CCND3: variants seen among roughly 807,000 people sequenced by gnomAD.
CCND3 encodes G1/S-specific cyclin-D3.
CCND3 carries 9 observed loss-of-function variants against 28.7 expected under a neutral mutation model. That is an observed-to-expected ratio of 0.31 (90% CI 0.19 to 0.55). The LOEUF (loss-of-function observed/expected upper bound fraction) is 0.55. CCND3 is among the 20% of genes least tolerant of loss of function. CCND3 has a pLI of 0.93. For synonymous variants in CCND3, 164 were observed against 163.9 expected, an observed-to-expected ratio of 1.00 and a Z score of 0.00; for missense variants, 315 against 385.8, an observed-to-expected ratio of 0.82 and a Z score of 1.54.
chr6:42,041,791 G>A (rs898328452), intron 1 of CCND3, among the ~76,000 whole-genome samples: 3 of 152,186 alleles, frequency 2.0e-5, no homozygotes, highest in Admixed American at 1.3e-4. Context: ...ATAAACAGAC[G>A]TCTTCCCAGG....
intron 1 of CCND3, among the ~76,000 whole-genome samples, chr6:41,988,231 G>A (rs1351594943): frequency 1.3e-5 from 2 of 151,968 alleles, no homozygotes; most frequent in South Asian, 2.1e-4. Context: ...GCTTGAACCC[G>A]GGAGGCAGAG....
intron 1 of CCND3, among the ~76,000 whole-genome samples, chr6:41,955,370 A>G (rs1175349515): frequency 6.6e-6 from 1 of 152,190 alleles, no homozygotes; most frequent in East Asian, 1.9e-4. Context: ...TTGACTGTAT[A>G]CCAAAGTGCA....
At chr6:41,996,123 A>ATATATT (rs1554164470) in intron 1 of CCND3, among the ~76,000 whole-genome samples, 13 of 96,960 alleles carry the variant, frequency 1.3e-4, no homozygotes, top group Admixed American at 7.2e-4. Flanking sequence ...ATATATATAT[A>ATATATT]ATATATATAT....
chr6:42,037,388 C>A (rs996938233), intron 1 of CCND3, among the ~76,000 whole-genome samples: 1 of 151,962 alleles, frequency 6.6e-6, no homozygotes, highest in African/African-American at 2.4e-5. Flanking sequence ...CAGGCATGCA[C>A]GACCATGCCC....
At chr6:41,952,972 A>T (rs923367646) in intron 1 of CCND3, among the ~76,000 whole-genome samples, 1 of 152,174 alleles carries the variant, frequency 6.6e-6, no homozygotes, top group Admixed American at 6.5e-5. Flanking sequence ...TTGATGGAAG[A>T]CAAATAAAAC....
intron 1 of CCND3, among the ~76,000 whole-genome samples, chr6:41,990,452 A>G (rs1167887971): frequency 6.6e-6 from 1 of 152,090 alleles, no homozygotes; most frequent in African/African-American, 2.4e-5. Flanking sequence ...AAATCCTAAA[A>G]TTCATAAGAA....
intron 1 of CCND3, among the ~76,000 whole-genome samples, chr6:42,042,485 C>T (rs1764402156): frequency 1.3e-5 from 2 of 152,100 alleles, no homozygotes; most frequent in South Asian, 2.1e-4. Flanking sequence ...CTCAGCCTCC[C>T]GAGTAGCCGG....
chr6:42,014,213 A>C (rs1763425305), intron 1 of CCND3, among the ~76,000 whole-genome samples: 1 of 150,814 alleles, frequency 6.6e-6, no homozygotes, highest in South Asian at 2.1e-4. Context: ...AAAATACAAA[A>C]AAAATTAGCC....
At chr6:42,000,442 G>A (rs13207451) in intron 1 of CCND3, among the ~76,000 whole-genome samples, 17,020 of 149,638 alleles carry the variant, frequency 0.11, 1,003 homozygotes, top group Non-Finnish European at 0.12. Flanking sequence ...GGGTTTCATC[G>A]TGGTCTCGAT....
rs754142894 is a variant in CCND3 at position 41,941,654 on chromosome 6, G to C, written c.-5C>G. The C allele has an allele frequency of 4.8e-5, 69 of 1,433,532 alleles. No individual in the cohort carries two copies. Among genetic ancestry groups the C allele is most frequent in the Admixed American group, 1.7e-4 (6 of 35,778 alleles). 88.8% of individuals were successfully genotyped at this position (1,433,532 alleles called of 1,614,324 possible). A position where few individuals can be genotyped will look rare whatever the true frequency, so the allele number is the denominator to read the frequency against. Reference sequence around the variant, plus strand: ...TTCGCAACACAGCAGCTCCATACTCGGGCAGCGAACAGGCAGGGCGGGAGT... The same window carrying C: ...TTCGCAACACAGCAGCTCCATACTCCGGCAGCGAACAGGCAGGGCGGGAGT... On this transcript the variant is annotated 5_prime_UTR_variant, in exon 1 of 5. Coordinates refer to ENST00000372991, the MANE Select transcript of CCND3 (RefSeq NM_001760.5). The surrounding 1 kb of genome is among the most constrained non-coding windows in gnomAD (Gnocchi z 6.1).
intron 1 of CCND3, among the ~76,000 whole-genome samples, chr6:41,973,735 A>T (rs200453124): frequency 1.3e-5 from 2 of 152,206 alleles, no homozygotes; most frequent in East Asian, 3.8e-4. Flanking sequence ...GCCTGGTTTA[A>T]ATCCTGGTTC....
chr6:41,977,768 C>T (rs1762224033), intron 1 of CCND3, among the ~76,000 whole-genome samples: 1 of 152,168 alleles, frequency 6.6e-6, no homozygotes, highest in African/African-American at 2.4e-5. Context: ...CCTCCCGAAT[C>T]GACCATGAAG....
chr6:41,944,066 A>G (rs1776107726), upstream of CCND3, among the ~76,000 whole-genome samples: 1 of 152,148 alleles, frequency 6.6e-6, no homozygotes, highest in African/African-American at 2.4e-5. Context: ...ATGTATAAAA[A>G]TGTCCCATCA....
At chr6:41,990,698 G>C (rs1561975879) in intron 1 of CCND3, among the ~76,000 whole-genome samples, 1 of 112,950 alleles carries the variant, frequency 8.9e-6, no homozygotes, top group Admixed American at 1.3e-4. Context: ...TTTTGTGATG[G>C]AGTCTTGCTC....
chr6:42,045,980 C>A (rs1264787904), intron 1 of CCND3, among the ~76,000 whole-genome samples: 1 of 152,216 alleles, frequency 6.6e-6, no homozygotes, highest in Non-Finnish European at 1.5e-5. Flanking sequence ...GGGAGAAGAG[C>A]AGCTTGGAGG....
chr6:42,033,683 A>G (rs1163217668), intron 1 of CCND3, among the ~76,000 whole-genome samples: 1 of 150,430 alleles, frequency 6.6e-6, no homozygotes, highest in Non-Finnish European at 1.5e-5. Context: ...CCCCGTCTCT[A>G]CTAAAAATAC....
intron 1 of CCND3, among the ~76,000 whole-genome samples, chr6:42,015,155 G>T (rs9471728): frequency 0.094 from 14,377 of 152,146 alleles, 871 homozygotes; most frequent in Non-Finnish European, 0.14. Context: ...CTTGCTCAAG[G>T]TCATACATCT....
intron 1 of CCND3, among the ~76,000 whole-genome samples, chr6:41,967,541 G>GC (rs1277547612): frequency 2.6e-5 from 4 of 152,156 alleles, no homozygotes; most frequent in African/African-American, 9.7e-5. Flanking sequence ...ACAATAACCT[G>GC]CACATGAATC....
intron 1 of CCND3, among the ~76,000 whole-genome samples, chr6:41,978,620 G>A (rs1218724678): frequency 1.3e-5 from 2 of 152,038 alleles, no homozygotes; most frequent in African/African-American, 2.4e-5. Flanking sequence ...AAACATGGGT[G>A]GGGAGGTGTT....
Sources: gnomAD v4.1 joint callset for allele counts (sites outside exome capture counted in the v4.1 genomes callset) on GRCh38, gnomAD v4.1.1 for gene constraint, Gnocchi (gnomAD v3.1) non-coding constraint, MANE v1.5 for transcripts, NCBI Gene and HGNC (gene_info 2026-07-23, HGNC 2026-07-21) for gene names.